The following CREBBP variants were observed in gnomAD, a reference collection of about 807,000 sequenced individuals.
CREBBP encodes CREB binding lysine acetyltransferase.
In CREBBP, 19 loss-of-function variants were observed where a neutral mutation model predicts 265.0. The ratio of observed to expected loss-of-function variants is 0.07; its 90% confidence interval spans 0.05 to 0.11. CREBBP has a LOEUF of 0.11. CREBBP is among the 10% of genes least tolerant of loss of function. The pLI, the probability that CREBBP is intolerant of heterozygous loss-of-function variation, is 1.00. For synonymous variants in CREBBP, 1,457 were observed against 1,223.7 expected, an observed-to-expected ratio of 1.19 and a Z score of -3.98; for missense variants, 2,525 against 3,219.0, an observed-to-expected ratio of 0.78 and a Z score of 5.22.
chr16:3,774,121 T>C (rs866695674), intron 12 of CREBBP, among the ~76,000 whole-genome samples, 191 bp from the exon 13 acceptor site: 1 of 152,220 alleles, frequency 6.6e-6, no homozygotes, highest in Non-Finnish European at 1.5e-5. Flanking sequence ...CCTTACACAC[T>C]TTCTCAGGCA....
In CREBBP at chr16:3,782,664, T is replaced by C; in HGVS notation, c.1573+20A>G. 1.9e-6 allele frequency: 3 copies of C among 1,613,560 alleles called. No individual in the cohort carries two copies. The highest frequency in any genetic ancestry group is 2.2e-5 in the East Asian group (1 of 44,862). On this transcript the variant is annotated intron_variant, in intron 6 of 30. Coordinates refer to ENST00000262367, the MANE Select transcript of CREBBP (RefSeq NM_004380.3). ...TGCATGTGGACAAGTAAGAACGAAG[T>C]TGAGAGTTCCTTCACCTACCCAGGG...
intron 20 of CREBBP, among the ~76,000 whole-genome samples, chr16:3,751,407 T>C (rs1196958244): frequency 6.6e-6 from 1 of 152,158 alleles, no homozygotes; most frequent in African/African-American, 2.4e-5. Flanking sequence ...CTGGGCAACA[T>C]GGCGAGACCT....
chr16:3,766,666 T>C (rs1194862248), intron 16 of CREBBP, among the ~76,000 whole-genome samples: 1 of 152,114 alleles, frequency 6.6e-6, no homozygotes, highest in African/African-American at 2.4e-5. Context: ...GCTAGAATTA[T>C]AGGCGTGCAC....
Position 3,767,786 on chromosome 16 carries a change from C to T in CREBBP, c.3184G>A (p.Glu1062Lys), listed in dbSNP as rs2141182152. ...GTGCCGTTACTGCTACTCTCTTCTT[C>T]CTCTTTAACTTCTACTTTCACTTCA... ...KPEVKVEVKE[E>K]EESSSNGTAS... The change falls in exon 16 of 31, where the codon GAA (glutamate) becomes AAA (lysine). Residue 1062 changes from glutamate (E) to lysine (K), a missense_variant. This residue lies in a region of CREBBP where 548 missense variants were observed against 533.0 expected (regional missense o/e 1.03). Transcript: ENST00000262367. The T allele has an allele frequency of 1.2e-6, 2 of 1,614,220 alleles. No homozygotes were observed. The highest frequency in any genetic ancestry group is 1.3e-5 in the African/African-American group (1 of 75,060).
At chr16:3,741,581 G>T (rs1234854637) in intron 23 of CREBBP, 1 of 151,320 alleles carries the variant, frequency 6.6e-6, no homozygotes, top group East Asian at 1.9e-4. Flanking sequence ...GAGGCAGGTG[G>T]ATCACCTGAG....
intron 1 of CREBBP, among the ~76,000 whole-genome samples, chr16:3,855,426 G>A (rs768500351): frequency 4.6e-5 from 7 of 152,114 alleles, no homozygotes; most frequent in South Asian, 2.1e-4. Context: ...CACCGCACCC[G>A]GCTAACGTTT....
chr16:3,786,253 C>A (rs2053384630), intron 5 of CREBBP, among the ~76,000 whole-genome samples: 1 of 152,152 alleles, frequency 6.6e-6, no homozygotes, highest in Non-Finnish European at 1.5e-5. Context: ...GTCATCTCAG[C>A]TACTTGGGAG....
rs1161949560 is a variant in CREBBP, at chr16:3,879,759, C to A, written c.85+73G>T. On this transcript the variant is annotated intron_variant, in intron 1 of 30. Coordinates refer to ENST00000262367, the MANE Select transcript of CREBBP (RefSeq NM_004380.3). The stretch of plus-strand genomic sequence containing the variant: ...GCTCGATCGGTATCCGCGACCACGA[C>A]CCCCGGACGCTCTCTTTCAGGTGGG... The A allele has an allele frequency of 2.7e-5, 40 of 1,469,942 alleles. 1 individual carries two copies. In the South Asian group the frequency reaches 4.7e-4, roughly 17 times the overall value. The allele number at this position is 1,469,942 out of a possible 1,614,324, so 91.1% of individuals were successfully genotyped here. A position where few individuals can be genotyped will look rare whatever the true frequency, so the allele number is the denominator to read the frequency against.
At chr16:3,749,487 C>A in intron 21 of CREBBP, 140 bp downstream of exon 21, 1 of 633,820 alleles carries the variant, frequency 1.6e-6, no homozygotes, top group Non-Finnish European at 2.8e-6. Context: ...AAATCTATAT[C>A]TAAAAGATAA....
chr16:3,736,321 G>A (rs2052058473), intron 27 of CREBBP, 118 bp from the exon 28 acceptor site: 2 of 1,072,878 alleles, frequency 1.9e-6, no homozygotes, highest in African/African-American at 1.6e-5. Flanking sequence ...TCCCATGCAT[G>A]TGTGCCCCCC....
intron 1 of CREBBP, among the ~76,000 whole-genome samples, chr16:3,863,540 T>C (rs2141554942): frequency 6.6e-6 from 1 of 152,218 alleles, no homozygotes; most frequent in Non-Finnish European, 1.5e-5. Context: ...AGGCAGAGGC[T>C]ACCGTGAGCC....
At chr16:3,782,614 G>T in intron 6 of CREBBP, 70 bp downstream of exon 6, 1 of 1,571,834 alleles carries the variant, frequency 6.4e-7, no homozygotes, top group Admixed American at 1.9e-5. Context: ...AACTGCCTTG[G>T]GTTCCATCAC....
At position 3,739,670 on chromosome 16, in the gene CREBBP, C is replaced by A. The variant is rs2052154031; in HGVS notation, c.4188G>T (p.Leu1396=). The A allele has an allele frequency of 6.2e-7, 1 of 1,614,218 alleles. No individual in the cohort carries two copies. Among genetic ancestry groups the A allele is most frequent in the Non-Finnish European group, 8.5e-7 (1 of 1,180,036 alleles). ...CGCCGTCAATTTCCTCAAAAGCAAACAGAGCTTTGGTTCGATATGGGAAAG... is the reference window on the plus strand; with the variant it reads ...CGCCGTCAATTTCCTCAAAAGCAAAAAGAGCTTTGGTTCGATATGGGAAAG... ...SESFPYRTKA[L]FAFEEIDGVD... The change falls in exon 25 of 31, where the codon CTG becomes CTT. Residue 1396 remains leucine (L), a synonymous_variant. Transcript: ENST00000262367.
chr16:3,808,158 G>T (rs563820157), intron 3 of CREBBP, among the ~76,000 whole-genome samples: 87 of 148,656 alleles, frequency 5.9e-4, no homozygotes, highest in Non-Finnish European at 9.2e-4. Flanking sequence ...ATGAAAGAAG[G>T]GGGGGGCAGC....
At chr16:3,854,983 A>C (rs1299458386) in intron 1 of CREBBP, among the ~76,000 whole-genome samples, 1 of 152,212 alleles carries the variant, frequency 6.6e-6, no homozygotes, top group African/African-American at 2.4e-5. Context: ...ATCTCCTAAC[A>C]ACATCCTCTT....
rs369919537 is a variant in CREBBP, at chr16:3,731,159, G to A, written c.5172+33C>T. On this transcript the variant is annotated intron_variant, in intron 30 of 30. Coordinates refer to ENST00000262367, the MANE Select transcript of CREBBP (RefSeq NM_004380.3). The surrounding 1 kb of genome is among the most constrained non-coding windows in gnomAD (Gnocchi z 7.7). Reference sequence around the variant, plus strand: ...AGGATGCTTCGTCAGACCCCAGGCCGGCTGTGGGGGTGGGGGTGGGGGCAG... The same window carrying A: ...AGGATGCTTCGTCAGACCCCAGGCCAGCTGTGGGGGTGGGGGTGGGGGCAG... 27 of 1,601,096 alleles carry A rather than the reference G, an allele frequency of 1.7e-5. No individual in the cohort carries two copies. In the South Asian group the frequency reaches 2.1e-4, roughly 12 times the overall value.
At chr16:3,866,750 T>G (rs769989557) in intron 1 of CREBBP, among the ~76,000 whole-genome samples, 12 of 152,260 alleles carry the variant, frequency 7.9e-5, no homozygotes, top group Non-Finnish European at 1.0e-4. Context: ...GATTCCCTTC[T>G]AGAAATTTCC....
At position 3,767,582 on chromosome 16, in the gene CREBBP, A is replaced by C. The variant is rs199523513; in HGVS notation, c.3250+138T>G. The C allele has an allele frequency of 1.8e-4, 210 of 1,159,516 alleles. No homozygotes were observed. The East Asian group carries it at 5.0e-3, about 28-fold the overall frequency. The allele number at this position is 1,159,516 out of a possible 1,614,324, so 71.8% of individuals were successfully genotyped here. ...CAGCCTGAGTGTTTCTGCAGGGGAA[A>C]GTCTGGGGAATGGCAGGCAAGAAAG... On this transcript the variant is annotated intron_variant, in intron 16 of 30. Coordinates refer to ENST00000262367, the MANE Select transcript of CREBBP (RefSeq NM_004380.3).
At position 3,728,910 on chromosome 16, in the gene CREBBP, G is replaced by A. The variant is rs753688167; in HGVS notation, c.6137C>T (p.Ala2046Val). The A allele has an allele frequency of 2.0e-5, 32 of 1,606,616 alleles. No individual in the cohort carries two copies. Among genetic ancestry groups the A allele is most frequent in the South Asian group, 1.4e-4 (13 of 90,990 alleles). ...GGGCATCCGGGGCCCAGCCACGGCC[G>A]CCTGGGCCTGCATGGATATCACAGG... ...PRPVISMQAQAAVAGPRMPSV... is the reference protein window; with the variant it reads ...PRPVISMQAQVAVAGPRMPSV... Residue 2046 changes from alanine to valine, a missense_variant, in exon 31 of 31, where the codon GCG (alanine) becomes GTG (valine). Around this residue, in one of 19 missense-constraint regions of CREBBP, gnomAD observed 275 missense variants for 276.5 expected, o/e 0.99. Coordinates refer to ENST00000262367, the MANE Select transcript of CREBBP (RefSeq NM_004380.3). The surrounding 1 kb of genome is among the most constrained non-coding windows in gnomAD (Gnocchi z 8.7).
Sources: gnomAD v4.1 joint callset for allele counts (sites outside exome capture counted in the v4.1 genomes callset) on GRCh38, gnomAD v4.1.1 for gene constraint, gnomAD v4.1.1 regional missense constraint, Gnocchi (gnomAD v3.1) non-coding constraint, MANE v1.5 for transcripts, NCBI Gene and HGNC (gene_info 2026-07-23, HGNC 2026-07-21) for gene names.